Variants in PTK7 observed in about 807,000 individuals in gnomAD.
PTK7 encodes inactive tyrosine-protein kinase 7.
PTK7 carries 39 observed loss-of-function variants against 116.6 expected under a neutral mutation model. The ratio of observed to expected loss-of-function variants is 0.33; its 90% CI spans 0.26 to 0.44. The LOEUF (loss-of-function observed/expected upper bound fraction) is 0.44, where lower values mean the gene tolerates loss of function less well. Ranked by LOEUF, PTK7 falls within the 20% of genes least tolerant of loss-of-function variation. PTK7 has a pLI of 1.00. For missense variants in PTK7, 1,169 were observed against 1,425.6 expected (o/e 0.82, Z 2.90); for synonymous variants, 546 against 563.6 (o/e 0.97, Z 0.44).
At chr6:43,100,415 A>ATTT (rs1561942206) in intron 1 of PTK7, among the ~76,000 whole-genome samples, 6 of 145,494 alleles carry the variant, frequency 4.1e-5, no homozygotes, top group East Asian at 2.2e-4. Context: ...GGTTTTTTTA[A>ATTT]AAAAAAATGA....
intron 14 of PTK7, 34 bp from the exon 15 acceptor site, chr6:43,144,417 C>A: frequency 6.2e-7 from 1 of 1,613,364 alleles, no homozygotes; most frequent in South Asian, 1.1e-5. Context: ...AGTGTCAGGT[C>A]TCATCGTGAC....
chr6:43,156,532 C>T (rs1187904720), intron 17 of PTK7, among the ~76,000 whole-genome samples: 1 of 151,530 alleles, frequency 6.6e-6, no homozygotes, highest in Non-Finnish European at 1.5e-5. Flanking sequence ...CACTTGAGTC[C>T]AGGAGGGCGA....
chr6:43,120,528 C>T (rs1377971597), intron 1 of PTK7, among the ~76,000 whole-genome samples: 1 of 152,230 alleles, frequency 6.6e-6, no homozygotes, highest in Non-Finnish European at 1.5e-5. Context: ...CCCCAGCTGC[C>T]TCAGACCCCA....
At chr6:43,151,266 A>G (rs1771061258) in intron 17 of PTK7, among the ~76,000 whole-genome samples, 2 of 144,984 alleles carry the variant, frequency 1.4e-5, no homozygotes, top group East Asian at 2.1e-4. Flanking sequence ...GCTGGAGTGC[A>G]GTGGCAGTGA....
At chr6:43,082,239 G>A (rs1766420094) in intron 1 of PTK7, among the ~76,000 whole-genome samples, 1 of 152,088 alleles carries the variant, frequency 6.6e-6, no homozygotes, top group Non-Finnish European at 1.5e-5. Context: ...GCAGTGGCAC[G>A]ATCTTGGCTC....
intron 1 of PTK7, among the ~76,000 whole-genome samples, chr6:43,088,752 A>G (rs1766795508): frequency 6.6e-6 from 1 of 152,130 alleles, no homozygotes; most frequent in Non-Finnish European, 1.5e-5. Flanking sequence ...GTGAAACTAT[A>G]TGTAATCTAA....
rs1005693941 is a variant in PTK7 at position 43,076,743 on chromosome 6, C to T, written c.79+176C>T. The T allele has an allele frequency of 7.2e-7, 1 of 1,381,264 alleles. No homozygotes were observed. Among genetic ancestry groups the T allele is most frequent in the Non-Finnish European group, 9.4e-7 (1 of 1,062,620 alleles). The allele number at this position is 1,381,264 out of a possible 1,614,324, so 85.6% of individuals were successfully genotyped here. A position where few individuals can be genotyped will look rare whatever the true frequency, so the allele number is the denominator to read the frequency against. ...CGCAAGGAGCCCGGGTGTCGGGAGG[C>T]TGGCGAAGCCTCCAGGGACGCGGTC... On this transcript the variant is annotated intron_variant, in intron 1 of 19. Coordinates refer to ENST00000230419, the MANE Select transcript of PTK7 (RefSeq NM_002821.5). The surrounding 1 kb of genome is among the most constrained non-coding windows in gnomAD (Gnocchi z 5.7).
Position 43,132,694 on chromosome 6 carries a change from A to C in PTK7, c.1228+7A>C. 6.4e-7 allele frequency: 1 copy of C among 1,557,168 alleles called. No individual in the cohort carries two copies. Among genetic ancestry groups the C allele is most frequent in the Admixed American group, 1.9e-5 (1 of 51,326 alleles). On this transcript the variant is annotated splice_region_variant and intron_variant, in intron 7 of 19. Transcript: ENST00000230419. Reference sequence around the variant, plus strand: ...GTCAACATCACTGTGGCCAGTGAGCACCTTTGCCCTGAAGGTCAAGGAGAG... The same window carrying C: ...GTCAACATCACTGTGGCCAGTGAGCCCCTTTGCCCTGAAGGTCAAGGAGAG...
intron 1 of PTK7, among the ~76,000 whole-genome samples, chr6:43,077,370 G>A (rs1009341514): frequency 2.0e-5 from 3 of 152,212 alleles, no homozygotes; most frequent in African/African-American, 7.2e-5. Context: ...CCTCACAGAG[G>A]AAAGGAAGTA....
intron 1 of PTK7, among the ~76,000 whole-genome samples, chr6:43,086,974 C>T (rs1766696047): frequency 6.6e-6 from 1 of 152,222 alleles, no homozygotes; most frequent in Non-Finnish European, 1.5e-5. Context: ...CCTGTACAGT[C>T]AAAGGTGGCT....
rs754240944 is a variant in PTK7 at position 43,145,299 on chromosome 6, A to ATG, written c.2508_2509dup (p.Glu837ValfsTer18). On this transcript the variant is annotated frameshift_variant, in exon 16 of 20. Coordinates refer to ENST00000230419, the MANE Select transcript of PTK7 (RefSeq NM_002821.5). LOFTEE classifies it high-confidence loss of function. The surrounding 1 kb of genome is among the most constrained non-coding windows in gnomAD (Gnocchi z 4.8). ...CTTGTGAAGAGCCTGCAGAGCAAGGATGAGCAGCAGCAGCTGGACTTCCGG... is the reference window on the plus strand; with the variant it reads ...CTTGTGAAGAGCCTGCAGAGCAAGGATGTGAGCAGCAGCAGCTGGACTTCCGG... The ATG allele has an allele frequency of 6.2e-7, 1 of 1,614,092 alleles. No homozygotes were observed. The highest frequency in any genetic ancestry group is 8.5e-7 in the Non-Finnish European group (1 of 1,179,982).
intron 1 of PTK7, 92 bp from the exon 2 acceptor site, chr6:43,128,885 C>T (rs1473215992): frequency 1.7e-5 from 24 of 1,376,716 alleles, no homozygotes; most frequent in Non-Finnish European, 2.3e-5. Flanking sequence ...CCTGTGTACA[C>T]AGCCCCTTTC....
chr6:43,089,366 G>T (rs895978970), intron 1 of PTK7, among the ~76,000 whole-genome samples: 1 of 152,096 alleles, frequency 6.6e-6, no homozygotes, highest in Non-Finnish European at 1.5e-5. Flanking sequence ...TACAAAGCTG[G>T]GCTGTTTCCC....
At chr6:43,156,804 G>A (rs1771461720) in intron 17 of PTK7, among the ~76,000 whole-genome samples, 2 of 152,212 alleles carry the variant, frequency 1.3e-5, no homozygotes, top group South Asian at 4.2e-4. Flanking sequence ...GCTGAGGCAG[G>A]AGAATCACTT....
chr6:43,120,305 G>A (rs1175686506), intron 1 of PTK7, among the ~76,000 whole-genome samples: 1 of 152,216 alleles, frequency 6.6e-6, no homozygotes, highest in African/African-American at 2.4e-5. Context: ...GGGCACAAAT[G>A]TCTGCCCTTC....
At chr6:43,134,591 C>G (rs890615673) in intron 7 of PTK7, among the ~76,000 whole-genome samples, 2 of 151,830 alleles carry the variant, frequency 1.3e-5, no homozygotes, top group Non-Finnish European at 2.9e-5. Flanking sequence ...ATCAGCCTGA[C>G]CAACATGGTG....
Position 43,143,751 on chromosome 6 carries a change from C to T in PTK7, c.2251+131C>T. On this transcript the variant is annotated intron_variant, in intron 14 of 19. Coordinates refer to ENST00000230419, the MANE Select transcript of PTK7 (RefSeq NM_002821.5). This position sits in a 1 kb window ranked among gnomAD's most constrained non-coding sequence, Gnocchi z 4.2. ...GCTGGGTCCTGGAGCTGGGACTGCCCCACCCCTAGCGGGAAGCCTGGAGTT... is the reference window on the plus strand; with the variant it reads ...GCTGGGTCCTGGAGCTGGGACTGCCTCACCCCTAGCGGGAAGCCTGGAGTT... 1 of 985,426 alleles carries T rather than the reference C, an allele frequency of 1.0e-6. No homozygotes were observed. The allele number at this position is 985,426 out of a possible 1,614,324, so 61.0% of individuals were successfully genotyped here. A position where few individuals can be genotyped will look rare whatever the true frequency, so the allele number is the denominator to read the frequency against.
In PTK7 at chr6:43,159,910, T is replaced by G; in HGVS notation, c.2996T>G (p.Val999Gly). Reference protein sequence around the residue: ...VWAFGVLMWEVFTHGEMPHGG... With the variant: ...VWAFGVLMWEGFTHGEMPHGG... ...GCCTTCGGTGTGCTGATGTGGGAAG[T>G]GTTTACACATGGAGAGATGCCCCAT... Residue 999 changes from valine (V) to glycine (G), a missense_variant, in exon 19 of 20, where the codon GTG becomes GGG. By Grantham distance (109) the Val-to-Gly change is moderately radical. Coordinates refer to ENST00000230419, the MANE Select transcript of PTK7 (RefSeq NM_002821.5). The G allele has an allele frequency of 2.5e-6, 4 of 1,614,188 alleles. No homozygotes were observed. The highest frequency in any genetic ancestry group is 3.4e-6 in the Non-Finnish European group (4 of 1,180,026).
rs1283874142 is a variant in PTK7, at chr6:43,076,946, GA to G, written c.79+384del. On this transcript the variant is annotated intron_variant, in intron 1 of 19. Transcript: ENST00000230419. This position sits in a 1 kb window ranked among gnomAD's most constrained non-coding sequence, Gnocchi z 5.7. ...CACCCACCGTGGGGAGCGCGATGGA[GA>G]AAAAGGAATTCCCCACCCCACCCGG... The G allele has an allele frequency of 4.6e-6, 7 of 1,514,820 alleles. No individual in the cohort carries two copies. Among genetic ancestry groups the G allele is most frequent in the Non-Finnish European group, 4.4e-6 (5 of 1,132,106 alleles). 93.8% of individuals were successfully genotyped at this position (1,514,820 alleles called of 1,614,324 possible). A position where few individuals can be genotyped will look rare whatever the true frequency, so the allele number is the denominator to read the frequency against.
Sources: allele counts gnomAD v4.1 joint callset (sites outside exome capture counted in the v4.1 genomes callset), GRCh38; gene constraint gnomAD v4.1.1; non-coding constraint Gnocchi (gnomAD v3.1); transcripts MANE v1.5; gene names NCBI Gene and HGNC (gene_info 2026-07-23, HGNC 2026-07-21).